Variants in TOM1L1 observed in about 807,000 individuals in gnomAD.
The protein encoded by TOM1L1 is TOM1-like protein 1.
In TOM1L1, 64 loss-of-function variants were observed where a neutral mutation model predicts 63.4. That is an observed-to-expected ratio of 1.01 (90% CI 0.83 to 1.24). The LOEUF is 1.24. Ranked by LOEUF, TOM1L1 falls within the 50% of genes most tolerant of loss-of-function variation. The probability of loss-of-function intolerance (pLI) is 0.00; values close to 1 mark genes in which losing one functional copy is unlikely to be tolerated. For synonymous variants in TOM1L1, 166 were observed against 194.4 expected (o/e 0.85, Z 1.22); for missense variants, 536 against 567.0 (o/e 0.95, Z 0.55).
At chr17:54,908,337 G>A (rs12600903) in intron 3 of TOM1L1, among the ~76,000 whole-genome samples, 4,192 of 152,158 alleles carry the variant, frequency 0.028, 87 homozygotes, top group East Asian at 0.12. Flanking sequence ...TAGTCACCTC[G>A]TCTCAGACTA....
intron 11 of TOM1L1, among the ~76,000 whole-genome samples, chr17:54,945,462 TAC>T (rs2049102337): frequency 6.6e-6 from 1 of 152,338 alleles, no homozygotes; most frequent in South Asian, 2.1e-4. Context: ...TCTTCAGAAC[TAC>T]AGTCTTTCTG....
intron 8 of TOM1L1, among the ~76,000 whole-genome samples, chr17:54,930,644 A>G (rs2048843611): frequency 6.6e-6 from 1 of 152,150 alleles, no homozygotes; most frequent in African/African-American, 2.4e-5. Context: ...GTTCGAAACC[A>G]GCCTAACCAA....
intron 14 of TOM1L1, chr17:54,954,833 A>G (rs193230569): frequency 6.6e-6 from 1 of 152,358 alleles, no homozygotes. Context: ...GGGCCATAAA[A>G]CATTGCATAT....
intron 7 of TOM1L1, among the ~76,000 whole-genome samples, chr17:54,927,593 A>T (rs909723895): frequency 6.6e-6 from 1 of 152,178 alleles, no homozygotes; most frequent in Admixed American, 6.5e-5. Context: ...TATATGGTAT[A>T]AAAGGAGGCA....
intron 1 of TOM1L1, 145 bp downstream of exon 1, chr17:54,901,068 C>T (rs1464256164): frequency 1.3e-5 from 14 of 1,071,144 alleles, no homozygotes; most frequent in Middle Eastern, 2.7e-4. Context: ...CCAAGGCACC[C>T]GCATTCCACC....
chr17:54,924,833 G>A (rs1211981533), intron 7 of TOM1L1, among the ~76,000 whole-genome samples: 1 of 152,192 alleles, frequency 6.6e-6, no homozygotes, highest in Non-Finnish European at 1.5e-5. Context: ...GGTATGAGAT[G>A]GGGACTTTAC....
At chr17:54,948,805 G>T (rs1015661438) in intron 12 of TOM1L1, among the ~76,000 whole-genome samples, 4 of 152,204 alleles carry the variant, frequency 2.6e-5, no homozygotes, top group Non-Finnish European at 5.9e-5. Flanking sequence ...TTCTAATTAA[G>T]ATTCTAATAT....
intron 10 of TOM1L1, 195 bp downstream of exon 10, chr17:54,937,421 G>C (rs1204594591): frequency 3.6e-6 from 2 of 559,886 alleles, no homozygotes; most frequent in Non-Finnish European, 3.2e-6. Flanking sequence ...GTGTCTGGGC[G>C]AGGAGGTCCT....
rs1246139396 is a variant in TOM1L1 at position 54,935,116 on chromosome 17, G to A, written c.855-1533G>A. 2.0e-5 allele frequency among the ~76,000 whole-genome samples: 3 copies of A among 152,206 alleles called. No individual in the cohort carries two copies. The East Asian group carries it at 5.8e-4, about 29-fold the overall frequency. On this transcript the variant is annotated intron_variant, in intron 8 of 15. Coordinates refer to ENST00000575882, the MANE Select transcript of TOM1L1 (RefSeq NM_005486.3). ...AGAGACCACCAAAGAGGCTTTGTGT[G>A]AGCAATAAAGCTGTTTATTTCACCT...
chr17:54,947,214 G>T, intron 11 of TOM1L1, 47 bp from the exon 12 acceptor site: 1 of 1,585,814 alleles, frequency 6.3e-7, no homozygotes, highest in Non-Finnish European at 8.6e-7. Flanking sequence ...TTTTGCATTT[G>T]TGTTCTCACT....
intron 8 of TOM1L1, 129 bp downstream of exon 8, chr17:54,930,335 A>G: frequency 7.5e-7 from 1 of 1,328,538 alleles, no homozygotes; most frequent in Admixed American, 1.9e-5. Context: ...TAGGAAAGGT[A>G]TTGGCATGTG....
chr17:54,923,443 G>A (rs182156004), intron 7 of TOM1L1, among the ~76,000 whole-genome samples: 10 of 151,680 alleles, frequency 6.6e-5, no homozygotes, highest in Admixed American at 5.9e-4. Context: ...GTGTGAAGTG[G>A]TATCTCATTA....
At chr17:54,938,051 A>C (rs1043021272) in intron 10 of TOM1L1, 1 of 151,878 alleles carries the variant, frequency 6.6e-6, no homozygotes, top group African/African-American at 2.4e-5. Context: ...TTTTCTTAGA[A>C]CTCTACTCAG....
At chr17:54,936,744 G>T in intron 9 of TOM1L1, 35 bp downstream of exon 9, 1 of 1,570,226 alleles carries the variant, frequency 6.4e-7, no homozygotes, top group South Asian at 1.2e-5. Flanking sequence ...ATAAACAATT[G>T]AACATTTTGC....
At chr17:54,951,813 C>CT (rs2049249160) in intron 14 of TOM1L1, 1 of 152,226 alleles carries the variant, frequency 6.6e-6, no homozygotes, top group Admixed American at 6.5e-5. Context: ...GTAGGCTCTG[C>CT]AGCCCCTCAG....
intron 12 of TOM1L1, 46 bp downstream of exon 12, chr17:54,947,358 T>C: frequency 6.3e-7 from 1 of 1,583,398 alleles, no homozygotes; most frequent in Non-Finnish European, 8.7e-7. Flanking sequence ...GTCAGCAGAT[T>C]ATTGTAGCCA....
At chr17:54,937,828 T>C (rs1307163902) in intron 10 of TOM1L1, 1 of 135,812 alleles carries the variant, frequency 7.4e-6, no homozygotes, top group African/African-American at 2.7e-5. Flanking sequence ...GTAGCAAAGC[T>C]TACAATGCAT....
chr17:54,918,441 G>A (rs761084042), intron 7 of TOM1L1, among the ~76,000 whole-genome samples: 25 of 152,200 alleles, frequency 1.6e-4, no homozygotes, highest in Non-Finnish European at 3.2e-4. Context: ...GCTCAGGTGT[G>A]TAGGGATGAG....
chr17:54,929,207 G>A lies in TOM1L1; in HGVS notation c.721-866G>A, dbSNP rs907842537. 5.3e-5 allele frequency among the ~76,000 whole-genome samples: 8 copies of A among 152,170 alleles called. No homozygotes were observed. In the East Asian group the frequency reaches 5.8e-4, roughly 11 times the overall value. The stretch of plus-strand genomic sequence containing the variant: ...CAGTTTTATGTACCTTGGGTTAATC[G>A]AAGGTGTGCCTGGAAAAAAAGTCAG... On this transcript the variant is annotated intron_variant, in intron 7 of 15. Coordinates refer to ENST00000575882, the MANE Select transcript of TOM1L1 (RefSeq NM_005486.3).
Sources: gnomAD v4.1 joint callset for allele counts (sites outside exome capture counted in the v4.1 genomes callset) on GRCh38, gnomAD v4.1.1 for gene constraint, MANE v1.5 for transcripts, NCBI Gene and HGNC (gene_info 2026-07-23, HGNC 2026-07-21) for gene names.